The following DOT1L variants were observed in gnomAD, a reference collection of about 807,000 sequenced individuals.
DOT1L encodes DOT1 like histone lysine methyltransferase.
Under a neutral mutation model 153.3 loss-of-function variants are expected in DOT1L, and 33 were observed. The observed-to-expected ratio is 0.22, with a 90% CI of 0.16 to 0.29. The LOEUF (loss-of-function observed/expected upper bound fraction) is 0.29, where lower values mean the gene tolerates loss of function less well. DOT1L is among the 10% of genes least tolerant of loss of function. The pLI, the probability that DOT1L is intolerant of heterozygous loss-of-function variation, is 1.00. For missense variants in DOT1L, 1,847 were observed against 2,119.9 expected, an observed-to-expected ratio of 0.87 and a Z score of 2.53; for synonymous variants, 1,135 against 965.1, an observed-to-expected ratio of 1.18 and a Z score of -3.26.
In DOT1L at chr19:2,197,601, T is replaced by C. The variant is rs1186974154; in HGVS notation, c.652-2283T>C. 6.6e-6 allele frequency among the ~76,000 whole-genome samples: 1 copy of C among 152,102 alleles called. No individual in the cohort carries two copies. The highest frequency in any genetic ancestry group is 1.5e-5 in the Non-Finnish European group (1 of 68,030). On this transcript the variant is annotated intron_variant, in intron 7 of 27. Transcript: ENST00000398665. This position sits in a 1 kb window ranked among gnomAD's most constrained non-coding sequence, Gnocchi z 4.1. ...CACGGCTGAGCAGCATGGTGTCTAG[T>C]GTGGCACAGGTGCTCCTGGCATGGA...
At position 2,216,660 on chromosome 19, in the gene DOT1L, C is replaced by T. The variant is rs1159206435; in HGVS notation, c.2303C>T (p.Ala768Val). ...PRLEKLSGLA[A>V]PDYTRLSPAK... is the part of the protein sequence containing the mutation. ...CTGGAGAAGCTGTCTGGCCTAGCCG[C>T]ACCCGACTACACTAGGCTGTCCCCG... The change falls in exon 20 of 28, where the codon GCA becomes GTA. Residue 768 changes from alanine to valine, a missense_variant. By Grantham distance (64) the Ala-to-Val change is moderately conservative. This residue lies in a region of DOT1L where 281 missense variants were observed against 263.6 expected (regional missense o/e 1.07). Coordinates refer to ENST00000398665, the MANE Select transcript of DOT1L (RefSeq NM_032482.3). 2 of 1,604,542 alleles carry T rather than the reference C, an allele frequency of 1.2e-6. No individual in the cohort carries two copies. The highest frequency in any genetic ancestry group is 1.7e-6 in the Non-Finnish European group (2 of 1,179,902).
chr19:2,231,366 A>C lies in DOT1L; in HGVS notation c.*1574A>C. ...CAAGGGCAGGATGGACACACGTCAC[A>C]TCCCTACCACGTGGCCTCCAAAGGG... is the stretch of plus-strand genomic sequence containing the variant. On this transcript the variant is annotated 3_prime_UTR_variant, in exon 28 of 28. Coordinates refer to ENST00000398665, the MANE Select transcript of DOT1L (RefSeq NM_032482.3). The C allele has an allele frequency of 4.8e-6, 1 of 207,898 alleles. No homozygotes were observed. Among genetic ancestry groups the C allele is most frequent in the Non-Finnish European group, 9.8e-6 (1 of 101,946 alleles). 12.9% of individuals were successfully genotyped at this position (207,898 alleles called of 1,614,324 possible). A position where few individuals can be genotyped will look rare whatever the true frequency, so the allele number is the denominator to read the frequency against.
At chr19:2,203,807 G>A (rs1439925346) in intron 9 of DOT1L, among the ~76,000 whole-genome samples, 1 of 152,226 alleles carries the variant, frequency 6.6e-6, no homozygotes, top group Non-Finnish European at 1.5e-5. Flanking sequence ...AGGGGATTGT[G>A]CTGCCTGCCT....
intron 25 of DOT1L, 95 bp from the exon 26 acceptor site, chr19:2,225,289 ACCAC>A: frequency 8.2e-7 from 1 of 1,221,450 alleles, no homozygotes; most frequent in Non-Finnish European, 1.2e-6. Flanking sequence ...CTTCTCGTTC[ACCAC>A]CTCCGGAGCT....
rs1219502276 is a variant in DOT1L at position 2,230,756 on chromosome 19, CTTAT to C, written c.*970_*973del. On this transcript the variant is annotated 3_prime_UTR_variant, in exon 28 of 28. Coordinates refer to ENST00000398665, the MANE Select transcript of DOT1L (RefSeq NM_032482.3). Reference sequence around the variant, plus strand: ...GGAAAGAAAAGCGAGGGGAAAAAACCTTATTTATTCAAACAGTGCACAAAATGGC... The same window carrying C: ...GGAAAGAAAAGCGAGGGGAAAAAACCTTATTCAAACAGTGCACAAAATGGC... 4 of 397,000 alleles carry C rather than the reference CTTAT, an allele frequency of 1.0e-5. No homozygotes were observed. Among genetic ancestry groups the C allele is most frequent in the South Asian group, 1.4e-4 (1 of 7,004 alleles). 24.6% of individuals were successfully genotyped at this position (397,000 alleles called of 1,614,324 possible). A position where few individuals can be genotyped will look rare whatever the true frequency, so the allele number is the denominator to read the frequency against.
chr19:2,223,548 C>CCGTG (rs1555728135), intron 25 of DOT1L, 62 bp downstream of exon 25: 24 of 361,736 alleles, frequency 6.6e-5, no homozygotes, highest in Non-Finnish European at 7.2e-5. Context: ...TGCCTGCTCA[C>CCGTG]TGTGTGTGTG....
rs753843542 is a variant in DOT1L, at chr19:2,211,179, G to T, written c.1432G>T (p.Ala478Ser). Residue 478 changes from alanine (A) to serine (S), a missense_variant, in exon 15 of 28, where the codon GCG becomes TCG. Transcript: ENST00000398665. ...QRHSPNPLLVAPTPPALQKLL... is the reference protein window; with the variant it reads ...QRHSPNPLLVSPTPPALQKLL... ...GCACTCCCCCAACCCGCTGCTGGTGGCGCCCACCCCGCCCGCGCTGCAGAA... is the reference window on the plus strand; with the variant it reads ...GCACTCCCCCAACCCGCTGCTGGTGTCGCCCACCCCGCCCGCGCTGCAGAA... 3 of 1,611,856 alleles carry T rather than the reference G, an allele frequency of 1.9e-6. No individual in the cohort carries two copies. The Admixed American group carries it at 5.0e-5, about 27-fold the overall frequency.
At position 2,190,741 on chromosome 19, in the gene DOT1L, C is replaced by T. The variant is rs1381738980; in HGVS notation, c.265-271C>T. 6.6e-6 allele frequency among the ~76,000 whole-genome samples: 1 copy of T among 151,900 alleles called. No individual in the cohort carries two copies. The highest frequency in any genetic ancestry group is 1.5e-5 in the Non-Finnish European group (1 of 67,920). On this transcript the variant is annotated intron_variant, in intron 4 of 27. Coordinates refer to ENST00000398665, the MANE Select transcript of DOT1L (RefSeq NM_032482.3). The surrounding 1 kb of genome is among the most constrained non-coding windows in gnomAD (Gnocchi z 4.8). ...TGGTGGCCTGTGTGGTTTTGGTGGT[C>T]TTGCCAGTGGGGAGAGAGGCCCGTG...
Position 2,185,846 on chromosome 19 carries a change from G to T in DOT1L, c.126-9G>T, listed in dbSNP as rs749580624. 2 of 1,613,952 alleles carry T rather than the reference G, an allele frequency of 1.2e-6. No homozygotes were observed. The highest frequency in any genetic ancestry group is 1.7e-6 in the Non-Finnish European group (2 of 1,179,866). ...ACCCTTCCTGATCGTTTCTGCTGCT[G>T]TGTTTCAGATGGGTCTGTGAAGAAA... On this transcript the variant is annotated splice_polypyrimidine_tract_variant and intron_variant, in intron 2 of 27. Transcript: ENST00000398665.
chr19:2,169,857 TA>T (rs1036999480), intron 1 of DOT1L, among the ~76,000 whole-genome samples: 1 of 151,764 alleles, frequency 6.6e-6, no homozygotes, highest in Non-Finnish European at 1.5e-5. Context: ...AAAGTTTAAT[TA>T]AAAAAAACAC....
intron 3 of DOT1L, 65 bp from the exon 4 acceptor site, chr19:2,189,667 G>GT: frequency 1.3e-6 from 2 of 1,574,332 alleles, no homozygotes; most frequent in Non-Finnish European, 1.7e-6. Context: ...TCCACATGCT[G>GT]TCCCCTCCCA....
At chr19:2,206,894 T>TG in intron 10 of DOT1L, 97 bp downstream of exon 10, 1 of 1,258,924 alleles carries the variant, frequency 7.9e-7, no homozygotes, top group South Asian at 1.2e-5. Flanking sequence ...CTGTGGACAC[T>TG]GGGGCTGGAT....
intron 6 of DOT1L, among the ~76,000 whole-genome samples, chr19:2,194,269 C>T (rs757036995): frequency 6.6e-6 from 1 of 152,176 alleles, no homozygotes; most frequent in Non-Finnish European, 1.5e-5. Flanking sequence ...CACCTGGGTT[C>T]ACACCATTCT....
intron 25 of DOT1L, 95 bp from the exon 26 acceptor site, chr19:2,225,293 C>T: frequency 7.9e-7 from 1 of 1,264,558 alleles, no homozygotes. Flanking sequence ...TCGTTCACCA[C>T]CTCCGGAGCT....
Position 2,210,384 on chromosome 19 carries a change from C to A in DOT1L, c.1006-16C>A. 6.6e-7 allele frequency: 1 copy of A among 1,513,348 alleles called. No homozygotes were observed. The highest frequency in any genetic ancestry group is 2.5e-5 in the East Asian group (1 of 40,554). 93.7% of individuals were successfully genotyped at this position (1,513,348 alleles called of 1,614,324 possible). ...AGCGCTGGGGCTTCCTGTGGCTCAA[C>A]CTGCTCTCCTTCCAGGAGGAACAGG... is the stretch of plus-strand genomic sequence containing the variant. On this transcript the variant is annotated splice_polypyrimidine_tract_variant and intron_variant, in intron 12 of 27. Transcript: ENST00000398665.
chr19:2,177,480 A>G (rs916734771), intron 1 of DOT1L, among the ~76,000 whole-genome samples: 1 of 152,064 alleles, frequency 6.6e-6, no homozygotes, highest in Non-Finnish European at 1.5e-5. Context: ...TATTATTAGT[A>G]CTACTAACAA....
intron 12 of DOT1L, among the ~76,000 whole-genome samples, chr19:2,209,195 C>G (rs2023617510): frequency 6.6e-6 from 1 of 152,096 alleles, no homozygotes; most frequent in Non-Finnish European, 1.5e-5. Flanking sequence ...CCCCCTCTTC[C>G]TCTCCTCTCC....
In DOT1L at chr19:2,226,899, A is replaced by G. The variant is rs2144937358; in HGVS notation, c.4378A>G (p.Thr1460Ala). The change falls in exon 27 of 28, where the codon ACG (threonine) becomes GCG (alanine). Residue 1460 changes from threonine to alanine, a missense_variant. By Grantham distance (58) the Thr-to-Ala change is moderately conservative (BLOSUM62 0). Around this residue, in one of 8 missense-constraint regions of DOT1L, gnomAD observed 934 missense variants for 825.3 expected, o/e 1.13. Transcript: ENST00000398665. ...AGGCGGCGCGGCGTCCTCCGCCCAG[A>G]CGCACCGGTCCTTCCTGGGCCCCTT... ...SAGGAASSAQ[T>A]HRSFLGPFPP... The G allele has an allele frequency of 6.3e-7, 1 of 1,578,080 alleles. No individual in the cohort carries two copies.
intron 2 of DOT1L, among the ~76,000 whole-genome samples, chr19:2,181,576 C>T (rs1041310757): frequency 2.6e-5 from 4 of 151,858 alleles, no homozygotes; most frequent in Non-Finnish European, 5.9e-5. Context: ...TTGTGTAGGT[C>T]GGCCAGGGTG....
Sources: gnomAD v4.1 joint callset for allele counts (sites outside exome capture counted in the v4.1 genomes callset) on GRCh38, gnomAD v4.1.1 for gene constraint, gnomAD v4.1.1 regional missense constraint, Gnocchi (gnomAD v3.1) non-coding constraint, MANE v1.5 for transcripts, NCBI Gene and HGNC (gene_info 2026-07-23, HGNC 2026-07-21) for gene names.